TMPRSS15: variants seen among roughly 807,000 people sequenced by gnomAD.
TMPRSS15 encodes transmembrane serine protease 15.
Under a neutral mutation model 125.3 loss-of-function variants are expected in TMPRSS15, and 128 were observed. The observed-to-expected ratio is 1.02, with a 90% CI of 0.89 to 1.18. The LOEUF is 1.18. Among genes scored for constraint, TMPRSS15 ranks in the 50% most tolerant of loss-of-function variants. The pLI is 0.00. For synonymous variants in TMPRSS15, 446 were observed against 423.2 expected (o/e 1.05, Z -0.66); for missense variants, 1,283 against 1,212.7 (o/e 1.06, Z -0.86).
At chr21:18,461,602 A>T (rs2122952665) in intron 1 of TMPRSS15, among the ~76,000 whole-genome samples, 1 of 152,200 alleles carries the variant, frequency 6.6e-6, no homozygotes, top group Non-Finnish European at 1.5e-5. Context: ...TTTTCATTCT[A>T]AGAAATACTA....
chr21:18,368,826 G>T (rs2824779), intron 6 of TMPRSS15, among the ~76,000 whole-genome samples: 38,805 of 152,020 alleles, frequency 0.26, 5,129 homozygotes, highest in Middle Eastern at 0.3. Flanking sequence ...AAAATTACAG[G>T]AGTATTGAAG....
intron 10 of TMPRSS15, 105 bp downstream of exon 10, chr21:18,352,796 CTT>C: frequency 8.5e-7 from 1 of 1,174,148 alleles, no homozygotes; most frequent in East Asian, 2.4e-5. Flanking sequence ...CCCAAAAAGA[CTT>C]TTGCATTTAA....
intron 1 of TMPRSS15, among the ~76,000 whole-genome samples, chr21:18,472,448 AAAAG>A (rs1237570961): frequency 1.7e-5 from 2 of 118,212 alleles, no homozygotes; most frequent in African/African-American, 6.6e-5. Context: ...ATTTAAAGCT[AAAAG>A]AATTATATAT....
intron 13 of TMPRSS15, among the ~76,000 whole-genome samples, chr21:18,339,171 A>G (rs1355767051): frequency 2.0e-5 from 3 of 152,182 alleles, no homozygotes; most frequent in African/African-American, 4.8e-5. Flanking sequence ...GATATTTATA[A>G]AATTTGAATG....
At chr21:18,462,239 C>A (rs1055335341) in intron 1 of TMPRSS15, among the ~76,000 whole-genome samples, 7 of 152,034 alleles carry the variant, frequency 4.6e-5, no homozygotes, top group African/African-American at 1.4e-4. Context: ...AAATTGCATT[C>A]AAGTATTACT....
chr21:18,292,279 C>T (rs957611276), intron 21 of TMPRSS15, among the ~76,000 whole-genome samples: 1 of 152,112 alleles, frequency 6.6e-6, no homozygotes, highest in African/African-American at 2.4e-5. Flanking sequence ...CAGGGCGTTC[C>T]TTCTCTTGCT....
chr21:18,471,828 C>T (rs1210771741), intron 1 of TMPRSS15, among the ~76,000 whole-genome samples: 1 of 129,374 alleles, frequency 7.7e-6, no homozygotes, highest in African/African-American at 2.6e-5. Context: ...TATAGCTTGG[C>T]CACAGATGAG....
At chr21:18,318,651 T>C (rs1284175453) in intron 16 of TMPRSS15, among the ~76,000 whole-genome samples, 1 of 152,208 alleles carries the variant, frequency 6.6e-6, no homozygotes, top group African/African-American at 2.4e-5. Context: ...TGAGTGTAAG[T>C]TACTCAGATA....
At chr21:18,480,166 C>G (rs1978956503) in intron 1 of TMPRSS15, among the ~76,000 whole-genome samples, 1 of 152,000 alleles carries the variant, frequency 6.6e-6, no homozygotes, top group Non-Finnish European at 1.5e-5. Flanking sequence ...CGTATTCTCA[C>G]TCATAAGTGG....
intron 1 of TMPRSS15, among the ~76,000 whole-genome samples, chr21:18,410,413 C>T (rs915030272): frequency 1.1e-4 from 16 of 152,144 alleles, no homozygotes; most frequent in Admixed American, 2.0e-4. Context: ...CACTGGGATC[C>T]TGTAGCAGTC....
intron 17 of TMPRSS15, among the ~76,000 whole-genome samples, chr21:18,314,764 G>C (rs896936240): frequency 6.6e-6 from 1 of 152,146 alleles, no homozygotes; most frequent in Non-Finnish European, 1.5e-5. Context: ...GGGAGAAAGT[G>C]AACTATAAGT....
chr21:18,279,616 G>T, intron 22 of TMPRSS15, among the ~76,000 whole-genome samples: 1 of 151,568 alleles, frequency 6.6e-6, no homozygotes, highest in Non-Finnish European at 1.5e-5. Flanking sequence ...TTACAGGTGT[G>T]AGCCACCGCA....
chr21:18,332,650 T>C (rs13047621), intron 13 of TMPRSS15, among the ~76,000 whole-genome samples: 33,386 of 152,100 alleles, frequency 0.22, 3,958 homozygotes, highest in Non-Finnish European at 0.26. Context: ...TTGGTGGGAA[T>C]GTAAATTAGT....
intron 16 of TMPRSS15, among the ~76,000 whole-genome samples, chr21:18,319,367 AG>A (rs1227432866): frequency 6.6e-6 from 1 of 151,888 alleles, no homozygotes; most frequent in Non-Finnish European, 1.5e-5. Flanking sequence ...AATACGCAGT[AG>A]ATAATATTTT....
intron 3 of TMPRSS15, among the ~76,000 whole-genome samples, chr21:18,391,956 C>G (rs1416134717): frequency 6.6e-6 from 1 of 152,196 alleles, no homozygotes; most frequent in African/African-American, 2.4e-5. Flanking sequence ...AATGGCCTGA[C>G]CTGTACACTG....
chr21:18,302,784 G>A (rs188619928), intron 18 of TMPRSS15, among the ~76,000 whole-genome samples: 1 of 152,204 alleles, frequency 6.6e-6, no homozygotes, highest in African/African-American at 2.4e-5. Context: ...ACGTCTGAGA[G>A]AAGTGATACT....
intron 10 of TMPRSS15, among the ~76,000 whole-genome samples, chr21:18,348,227 C>G (rs1347698876): frequency 1.3e-5 from 2 of 151,914 alleles, no homozygotes; most frequent in Non-Finnish European, 2.9e-5. Context: ...ACTTTGTTTA[C>G]TTAAGCTTGT....
At chr21:18,386,390 G>A (rs546176523) in intron 3 of TMPRSS15, among the ~76,000 whole-genome samples, 1 of 152,190 alleles carries the variant, frequency 6.6e-6, no homozygotes, top group South Asian at 2.1e-4. Context: ...TTATCAGCAG[G>A]AAAGAGGCTA....
At chr21:18,339,788 G>C (rs1424042688) in intron 13 of TMPRSS15, among the ~76,000 whole-genome samples, 7 of 151,924 alleles carry the variant, frequency 4.6e-5, no homozygotes, top group Admixed American at 3.3e-4. Flanking sequence ...CTTTTTCTTT[G>C]TTTATCTGTC....
Sources: allele counts gnomAD v4.1 joint callset (sites outside exome capture counted in the v4.1 genomes callset), GRCh38; gene constraint gnomAD v4.1.1; transcripts MANE v1.5; gene names NCBI Gene and HGNC (gene_info 2026-07-23, HGNC 2026-07-21).